Variants in CEP135 observed in about 807,000 individuals in gnomAD.
The protein encoded by CEP135 is centrosomal protein of 135 kDa.
CEP135 carries 142 observed loss-of-function variants against 157.3 expected under a neutral mutation model. The observed-to-expected ratio is 0.90, with a 90% confidence interval of 0.79 to 1.04. CEP135 has a LOEUF of 1.04. Ranked by LOEUF, CEP135 falls within the 50% of genes least tolerant of loss-of-function variation. CEP135 has a pLI of 0.00. For synonymous variants in CEP135, 396 were observed against 439.8 expected (o/e 0.90, Z 1.25); for missense variants, 1,317 against 1,309.2 (o/e 1.01, Z -0.09).
intron 1 of CEP135, among the ~76,000 whole-genome samples, chr4:55,951,450 C>T (rs1004007910): frequency 1.3e-5 from 2 of 152,048 alleles, no homozygotes; most frequent in Non-Finnish European, 2.9e-5. Context: ...GAAAATGTAC[C>T]TTGTTGTTTT....
intron 15 of CEP135, among the ~76,000 whole-genome samples, chr4:55,995,343 C>T (rs1164935306): frequency 6.6e-6 from 1 of 152,124 alleles, no homozygotes; most frequent in Non-Finnish European, 1.5e-5. Flanking sequence ...TTGTTTTAGG[C>T]TTTCAGCAGC....
chr4:55,974,404 A>T (rs577371262), intron 10 of CEP135, among the ~76,000 whole-genome samples: 3 of 152,246 alleles, frequency 2.0e-5, no homozygotes, highest in African/African-American at 7.2e-5. Flanking sequence ...ATGATTGTTT[A>T]TAGATACATT....
At position 55,985,420 on chromosome 4, in the gene CEP135, T is replaced by TG; in HGVS notation, c.1857+62_1857+63insG. The TG allele has an allele frequency of 4.6e-6, 3 of 645,882 alleles. No individual in the cohort carries two copies. The African/African-American group carries it at 5.7e-5, about 12-fold the overall frequency. The allele number at this position is 645,882 out of a possible 1,614,324, so 40.0% of individuals were successfully genotyped here. A position where few individuals can be genotyped will look rare whatever the true frequency, so the allele number is the denominator to read the frequency against. On this transcript the variant is annotated intron_variant, in intron 14 of 25. Coordinates refer to ENST00000257287, the MANE Select transcript of CEP135 (RefSeq NM_025009.5). ...ATATGAATAACTATGTCAATTACAG[T>TG]TTTAATACACTATTTTTTAATTTTA...
rs565897697 is a variant in CEP135 at position 56,011,877 on chromosome 4, T to C, written c.2694T>C (p.His898=). 8.1e-6 allele frequency: 13 copies of C among 1,607,874 alleles called. No homozygotes were observed. In the South Asian group the frequency reaches 1.3e-4, roughly 16 times the overall value. ...NRAEDWEVKA[H]QAEGESSSVR... is the part of the protein sequence containing the mutation. ...CTGAAGACTGGGAGGTCAAAGCCCA[T>C]CAAGCTGAGGGAGAAAGCAGCTCAG... Residue 898 remains histidine, a synonymous_variant, in exon 21 of 26, where the codon CAT becomes CAC. Coordinates refer to ENST00000257287, the MANE Select transcript of CEP135 (RefSeq NM_025009.5).
At chr4:55,957,512 A>T (rs1326926355) in intron 5 of CEP135, 148 bp downstream of exon 5, 1 of 607,944 alleles carries the variant, frequency 1.6e-6, no homozygotes, top group Non-Finnish European at 2.7e-6. Flanking sequence ...AAATACTTCC[A>T]GATTGATATA....
chr4:55,960,523 G>A (rs1243398771), intron 6 of CEP135: 2 of 152,120 alleles, frequency 1.3e-5, no homozygotes, highest in East Asian at 3.9e-4. Flanking sequence ...TTTCTGCATT[G>A]ACTGCATTTT....
chr4:55,988,582 C>G (rs903917262), intron 14 of CEP135, among the ~76,000 whole-genome samples: 1 of 151,676 alleles, frequency 6.6e-6, no homozygotes, highest in African/African-American at 2.4e-5. Context: ...ATCACTTGAA[C>G]CCAGGAGGTA....
At chr4:56,001,721 G>C (rs1366615238) in intron 17 of CEP135, among the ~76,000 whole-genome samples, 3 of 150,760 alleles carry the variant, frequency 2.0e-5, no homozygotes, top group Non-Finnish European at 4.4e-5. Context: ...GGATTGCTTT[G>C]GCTATTTGGG....
intron 11 of CEP135, 92 bp from the exon 12 acceptor site, chr4:55,980,051 G>A: frequency 9.5e-7 from 1 of 1,048,812 alleles, no homozygotes; most frequent in South Asian, 1.4e-5. Flanking sequence ...TGTTCTTTTT[G>A]TCTGGTAGCA....
rs1232899752 is a variant in CEP135, at chr4:55,964,643, A to C, written c.828+241A>C. ...CATGCACCATAACATTAACAATTTA[A>C]AGGAAGAGAATAAACTCTGGGCACA... On this transcript the variant is annotated intron_variant, in intron 7 of 25. Coordinates refer to ENST00000257287, the MANE Select transcript of CEP135 (RefSeq NM_025009.5). Among the ~76,000 whole-genome samples, 3 of 152,282 alleles carry C rather than the reference A, an allele frequency of 2.0e-5. No individual in the cohort carries two copies. The East Asian group carries it at 5.8e-4, about 29-fold the overall frequency.
At chr4:55,981,046 A>G (rs983218678) in intron 12 of CEP135, among the ~76,000 whole-genome samples, 181 bp from the exon 13 acceptor site, 3 of 151,860 alleles carry the variant, frequency 2.0e-5, no homozygotes, top group Admixed American at 6.6e-5. Context: ...GCCTCCCTCA[A>G]TCCCCTTGTC....
intron 14 of CEP135, among the ~76,000 whole-genome samples, chr4:55,991,457 G>GC (rs1560412682): frequency 6.6e-6 from 1 of 150,562 alleles, no homozygotes; most frequent in Non-Finnish European, 1.5e-5. Context: ...ACAATATTGT[G>GC]CTCCCATCAA....
rs750526755 is a variant in CEP135, at chr4:56,009,837, A to C, written c.2439A>C (p.Arg813Ser). Residue 813 changes from arginine to serine, a missense_variant, in exon 19 of 26, where the codon AGA (arginine) becomes AGC (serine). Coordinates refer to ENST00000257287, the MANE Select transcript of CEP135 (RefSeq NM_025009.5). ...AACTCGATGAAGTAGGAAGATCTAG[A>C]GAAATCGCTTTTAAGGAAAACAGAA... Reference protein sequence around the residue: ...HKELDEVGRSREIAFKENRRL... With the variant: ...HKELDEVGRSSEIAFKENRRL... 42 of 1,614,042 alleles carry C rather than the reference A, an allele frequency of 2.6e-5. No individual in the cohort carries two copies. In the South Asian group the frequency reaches 4.4e-4, roughly 17 times the overall value.
chr4:55,959,722 A>G lies in CEP135; in HGVS notation c.655A>G (p.Lys219Glu). 1 of 1,614,110 alleles carries G rather than the reference A, an allele frequency of 6.2e-7. No individual in the cohort carries two copies. The highest frequency in any genetic ancestry group is 8.5e-7 in the Non-Finnish European group (1 of 1,179,962). ...LQQEVHQLQEKLAMMESGVRD... is the reference protein window; with the variant it reads ...LQQEVHQLQEELAMMESGVRD... ...ACAGGAAGTCCACCAGCTACAAGAA[A>G]AGTTAGCAATGATGGAAAGTGGGGT... The change falls in exon 6 of 26, where the codon AAG (lysine) becomes GAG (glutamate). Residue 219 changes from lysine (K) to glutamate (E), a missense_variant. Lys to Glu is a moderately conservative substitution (Grantham distance 56). Transcript: ENST00000257287.
At chr4:55,985,809 G>A (rs1458670981) in intron 14 of CEP135, among the ~76,000 whole-genome samples, 1 of 152,084 alleles carries the variant, frequency 6.6e-6, no homozygotes, top group Non-Finnish European at 1.5e-5. Flanking sequence ...GCATGGTGGT[G>A]CACACCTGTA....
intron 13 of CEP135, among the ~76,000 whole-genome samples, chr4:55,983,962 T>A (rs1729495057): frequency 6.6e-6 from 1 of 152,176 alleles, no homozygotes; most frequent in South Asian, 2.1e-4. Flanking sequence ...TTGAATTTGT[T>A]TACTTCTTTC....
At chr4:55,987,128 AT>A (rs946374644) in intron 14 of CEP135, among the ~76,000 whole-genome samples, 2 of 151,852 alleles carry the variant, frequency 1.3e-5, no homozygotes, top group South Asian at 2.1e-4. Context: ...TCTTGGAGTA[AT>A]TTTTTTTCAC....
intron 5 of CEP135, among the ~76,000 whole-genome samples, chr4:55,958,246 T>A (rs1728564465): frequency 6.6e-6 from 1 of 152,022 alleles, no homozygotes; most frequent in Non-Finnish European, 1.5e-5. Flanking sequence ...ACCAGCCTGG[T>A]CAATATAGTG....
At chr4:56,030,563 C>T (rs1415791754) in intron 25 of CEP135, among the ~76,000 whole-genome samples, 1 of 152,144 alleles carries the variant, frequency 6.6e-6, no homozygotes, top group Non-Finnish European at 1.5e-5. Flanking sequence ...CAAGCAGTCT[C>T]CCACCTTGGC....
Sources: allele counts gnomAD v4.1 joint callset (sites outside exome capture counted in the v4.1 genomes callset), GRCh38; gene constraint gnomAD v4.1.1; transcripts MANE v1.5; gene names NCBI Gene and HGNC (gene_info 2026-07-23, HGNC 2026-07-21).